Variants in PCDHGA4 observed in about 807,000 individuals in gnomAD.
The protein encoded by PCDHGA4 is protocadherin gamma-A4.
Under a neutral mutation model 54.6 loss-of-function variants are expected in PCDHGA4, and 38 were observed. The observed-to-expected ratio is 0.70, with a 90% CI of 0.54 to 0.91. The LOEUF is 0.91. PCDHGA4 is among the 40% of genes least tolerant of loss of function. The pLI is 0.00. For missense variants in PCDHGA4, 1,298 were observed against 1,220.9 expected (o/e 1.06, Z -0.94); for synonymous variants, 511 against 512.9 (o/e 1.00, Z 0.05).
chr5:141,410,068 C>T (rs2095353806), intron 1 of PCDHGA4: 1 of 1,612,832 alleles, frequency 6.2e-7, no homozygotes, highest in Non-Finnish European at 8.5e-7. Context: ...TGGGGCTGCG[C>T]ACTGGGGAGG....
At chr5:141,366,561 A>T in intron 1 of PCDHGA4, 1 of 1,614,210 alleles carries the variant, frequency 6.2e-7, no homozygotes, top group South Asian at 1.1e-5. Context: ...GTGGGCGTGG[A>T]TGGGGTTCGG....
At chr5:141,427,007 C>T (rs1215109574) in intron 1 of PCDHGA4, 2 of 456,668 alleles carry the variant, frequency 4.4e-6, no homozygotes, top group Admixed American at 2.3e-5. Flanking sequence ...CAGTTTTTAG[C>T]CAGGATGTAT....
chr5:141,405,273 A>G (rs762280864), intron 1 of PCDHGA4: 5 of 1,613,974 alleles, frequency 3.1e-6, no homozygotes, highest in African/African-American at 2.7e-5. Context: ...CCCCAGCCCA[A>G]CTATGCAGAC....
At chr5:141,370,986 G>T in intron 1 of PCDHGA4, 1 of 1,613,992 alleles carries the variant, frequency 6.2e-7, no homozygotes, top group Non-Finnish European at 8.5e-7. Flanking sequence ...AGTACTGAAA[G>T]CACCCCTGGA....
chr5:141,406,186 C>T (rs1263856724), intron 1 of PCDHGA4, among the ~76,000 whole-genome samples: 2 of 151,978 alleles, frequency 1.3e-5, no homozygotes, highest in South Asian at 2.1e-4. Context: ...AATCCTCCCA[C>T]CTCAGCCTTC....
At chr5:141,422,020 G>A (rs374562798) in intron 1 of PCDHGA4, 2 of 1,610,932 alleles carry the variant, frequency 1.2e-6, no homozygotes, top group Non-Finnish European at 1.7e-6. Flanking sequence ...GGTGCTGATG[G>A]TTAATGCAAC....
At chr5:141,388,639 C>T (rs2091432130) in intron 1 of PCDHGA4, 1 of 1,613,944 alleles carries the variant, frequency 6.2e-7, no homozygotes, top group Non-Finnish European at 8.5e-7. Context: ...GTGAGCCTTT[C>T]AGAAAACGTG....
chr5:141,399,460 G>C (rs1465606526), intron 1 of PCDHGA4: 1 of 1,613,962 alleles, frequency 6.2e-7, no homozygotes, highest in Admixed American at 1.7e-5. Context: ...CAACGATAAC[G>C]CTCCGGTTTT....
chr5:141,419,981 A>C, intron 1 of PCDHGA4: 2 of 1,614,052 alleles, frequency 1.2e-6, no homozygotes, highest in Non-Finnish European at 1.7e-6. Context: ...CCTCGCGGTG[A>C]TTCTAGCTAT....
chr5:141,477,778 C>A lies in PCDHGA4; in HGVS notation c.2515-17029C>A. The stretch of plus-strand genomic sequence containing the variant: ...TCCTAGCCACCAACATCAGCGTGAA[C>A]ATATTTGTCACTGATCGCAATGACA... On this transcript the variant is annotated intron_variant, in intron 1 of 3. Coordinates refer to ENST00000571252, the MANE Select transcript of PCDHGA4 (RefSeq NM_018917.4). The surrounding 1 kb of genome is among the most constrained non-coding windows in gnomAD (Gnocchi z 4.9). The A allele has an allele frequency of 6.2e-7, 1 of 1,614,052 alleles. No individual in the cohort carries two copies. The highest frequency in any genetic ancestry group is 8.5e-7 in the Non-Finnish European group (1 of 1,180,040).
intron 1 of PCDHGA4, chr5:141,427,887 C>T (rs759734297): frequency 3.8e-6 from 6 of 1,565,908 alleles, no homozygotes; most frequent in South Asian, 1.1e-5. Flanking sequence ...GGCCCACGAC[C>T]AGGGCTCGCC....
chr5:141,402,973 C>T (rs779898665), intron 1 of PCDHGA4: 4 of 1,608,044 alleles, frequency 2.5e-6, no homozygotes, highest in Non-Finnish European at 2.5e-6. Context: ...CAACCAAATG[C>T]CAGCTCCGCG....
In PCDHGA4 at chr5:141,486,435, A is replaced by G. The variant is rs2099629501; in HGVS notation, c.2515-8372A>G. The G allele has an allele frequency of 6.2e-7, 1 of 1,614,118 alleles. No homozygotes were observed. Among genetic ancestry groups the G allele is most frequent in the Non-Finnish European group, 8.5e-7 (1 of 1,179,960 alleles). ...TTGGATCGAGAGGCCAAATCTAGCT[A>G]TGACATCATGGTCACTGCTTCTGAT... is the stretch of plus-strand genomic sequence containing the variant. On this transcript the variant is annotated intron_variant, in intron 1 of 3. Coordinates refer to ENST00000571252, the MANE Select transcript of PCDHGA4 (RefSeq NM_018917.4). This position sits in a 1 kb window ranked among gnomAD's most constrained non-coding sequence, Gnocchi z 5.0.
At chr5:141,389,364 C>CT (rs963046088) in intron 1 of PCDHGA4, 1 of 1,613,736 alleles carries the variant, frequency 6.2e-7, no homozygotes, top group African/African-American at 1.3e-5. Context: ...GGCCAGTGAC[C>CT]TGGAGCAGCG....
intron 1 of PCDHGA4, among the ~76,000 whole-genome samples, chr5:141,449,978 T>A (rs1025332419): frequency 6.6e-6 from 1 of 151,030 alleles, no homozygotes; most frequent in Non-Finnish European, 1.5e-5. Context: ...GTCCAAAATA[T>A]CACACATTGC....
chr5:141,498,578 G>T (rs1404493166), intron 2 of PCDHGA4, among the ~76,000 whole-genome samples: 1 of 152,048 alleles, frequency 6.6e-6, no homozygotes, highest in African/African-American at 2.4e-5. Flanking sequence ...CTAGTATTGA[G>T]TTCTTCAGTA....
rs115607451 is a variant in PCDHGA4, at chr5:141,508,636, A to C, written c.2663-2311A>C. Among the ~76,000 whole-genome samples, 998 of 151,746 alleles carry C rather than the reference A, an allele frequency of 6.6e-3. 12 individuals are homozygous for C. The highest frequency in any genetic ancestry group is 0.023 in the African/African-American group (958 of 41,372). ...ACGTGGGTGGGCCGAGCTTCTAGCT[A>C]CTCCGTCAGGCCCTTCCTGTCATTC... On this transcript the variant is annotated intron_variant, in intron 3 of 3. Transcript: ENST00000571252.
In PCDHGA4 at chr5:141,415,739, G is replaced by GTTTT; in HGVS notation, c.2514+58118_2514+58119insTTTT. On this transcript the variant is annotated intron_variant, in intron 1 of 3. Transcript: ENST00000571252. The stretch of plus-strand genomic sequence containing the variant: ...ATGAGTAGAATTTGATGTTTATTAA[G>GTTTT]GTTTTTTTTTTTTTTTTTTTTTTTT... 9.2e-6 allele frequency: 4 copies of GTTTT among 434,946 alleles called. No homozygotes were observed. In the African/African-American group the frequency reaches 1.3e-4, roughly 14 times the overall value. 26.9% of individuals were successfully genotyped at this position (434,946 alleles called of 1,614,324 possible).
chr5:141,435,910 G>T (rs1296707748), intron 1 of PCDHGA4, among the ~76,000 whole-genome samples: 2 of 152,112 alleles, frequency 1.3e-5, no homozygotes, highest in Non-Finnish European at 2.9e-5. Flanking sequence ...ACATCCAAGG[G>T]CTCTAAAATG....
Sources: allele counts gnomAD v4.1 joint callset (sites outside exome capture counted in the v4.1 genomes callset), GRCh38; gene constraint gnomAD v4.1.1; non-coding constraint Gnocchi (gnomAD v3.1); transcripts MANE v1.5; gene names NCBI Gene and HGNC (gene_info 2026-07-23, HGNC 2026-07-21).